ATP2B1: variants seen among roughly 807,000 people sequenced by gnomAD.
ATP2B1 encodes the protein ATPase plasma membrane Ca2+ transporting 1.
Under a neutral mutation model 124.2 loss-of-function variants are expected in ATP2B1, and 14 were observed. That is an observed-to-expected ratio of 0.11 (90% CI 0.07 to 0.18). The LOEUF (loss-of-function observed/expected upper bound fraction) is 0.18. Ranked by LOEUF, ATP2B1 falls within the 10% of genes least tolerant of loss-of-function variation. ATP2B1 has a pLI of 1.00. For synonymous variants in ATP2B1, 449 were observed against 492.4 expected, an observed-to-expected ratio of 0.91 and a Z score of 1.17; for missense variants, 763 against 1,466.1, an observed-to-expected ratio of 0.52 and a Z score of 7.83.
In ATP2B1 at chr12:89,616,844, T is replaced by C. The variant is rs777792000; in HGVS notation, c.2025A>G (p.Thr675=). Residue 675 remains threonine (T), a synonymous_variant, in exon 12 of 21, where the codon ACA becomes ACG. Coordinates refer to ENST00000428670, the MANE Select transcript of ATP2B1 (RefSeq NM_001366521.1). ...CTTCAATCCCCACAACAGCAATGCA[T>C]GTAAGGCCGGTGACAATATCATTTT... ...DNENDIVTGL[T]CIAVVGIEDP... is the part of the protein sequence containing the mutation. 1.2e-5 allele frequency: 19 copies of C among 1,613,910 alleles called. No homozygotes were observed. The East Asian group carries it at 1.3e-4, about 11-fold the overall frequency.
intron 1 of ATP2B1, among the ~76,000 whole-genome samples, chr12:89,676,665 CAA>C (rs1888646908): frequency 6.6e-6 from 1 of 152,014 alleles, no homozygotes; most frequent in African/African-American, 2.4e-5. Flanking sequence ...AAGTAGTATG[CAA>C]AGTTTGGGGA....
chr12:89,686,366 A>G (rs985149582), intron 1 of ATP2B1, among the ~76,000 whole-genome samples: 2 of 151,928 alleles, frequency 1.3e-5, no homozygotes, highest in African/African-American at 4.8e-5. Flanking sequence ...CAAAGACCAG[A>G]CCCCCTTCTC....
Position 89,590,748 on chromosome 12 carries a change from C to G in ATP2B1, c.*236G>C, listed in dbSNP as rs892910160. ...CTACTGATGATCCACAGGTCACTTACGCTGAGTTACTGTTTATCTGTCAGT... is the reference window on the plus strand; with the variant it reads ...CTACTGATGATCCACAGGTCACTTAGGCTGAGTTACTGTTTATCTGTCAGT... On this transcript the variant is annotated 3_prime_UTR_variant, in exon 21 of 21. Transcript: ENST00000428670. 1 of 456,468 alleles carries G rather than the reference C, an allele frequency of 2.2e-6. No individual in the cohort carries two copies. Among genetic ancestry groups the G allele is most frequent in the Admixed American group, 3.6e-5 (1 of 28,160 alleles). 28.3% of individuals were successfully genotyped at this position (456,468 alleles called of 1,614,324 possible).
At chr12:89,615,527 C>T (rs1452072550) in intron 12 of ATP2B1, among the ~76,000 whole-genome samples, 16 of 152,126 alleles carry the variant, frequency 1.1e-4, no homozygotes, top group Non-Finnish European at 2.2e-4. Flanking sequence ...GCAGTATTTC[C>T]AGCTCCTAAA....
chr12:89,608,679 T>A (rs1444331069), intron 15 of ATP2B1, among the ~76,000 whole-genome samples: 1 of 152,192 alleles, frequency 6.6e-6, no homozygotes, highest in Non-Finnish European at 1.5e-5. Flanking sequence ...AAGCTTTTTT[T>A]ATTTTAAAAT....
chr12:89,669,886 A>G, intron 1 of ATP2B1, among the ~76,000 whole-genome samples: 1 of 152,208 alleles, frequency 6.6e-6, no homozygotes, highest in Admixed American at 6.5e-5. Flanking sequence ...ATATGACATC[A>G]AATAGTATTT....
intron 1 of ATP2B1, among the ~76,000 whole-genome samples, chr12:89,684,792 T>TTAACC (rs1209098089): frequency 1.3e-5 from 2 of 152,172 alleles, no homozygotes; most frequent in Non-Finnish European, 2.9e-5. Context: ...CTCTTGCCTA[T>TTAACC]TAACCCATAT....
chr12:89,660,266 A>T (rs1467631240), intron 1 of ATP2B1, among the ~76,000 whole-genome samples: 3 of 152,208 alleles, frequency 2.0e-5, no homozygotes, highest in African/African-American at 7.2e-5. Context: ...TCTATAAGCA[A>T]CTCAAAGCTA....
intron 1 of ATP2B1, among the ~76,000 whole-genome samples, chr12:89,683,012 A>G (rs897711817): frequency 5.9e-5 from 9 of 152,228 alleles, no homozygotes; most frequent in Non-Finnish European, 1.2e-4. Flanking sequence ...CTAAAGAAGA[A>G]TGATTGAAAG....
chr12:89,680,551 T>C lies in ATP2B1; in HGVS notation c.-221-24444A>G, dbSNP rs558949163. Among the ~76,000 whole-genome samples the C allele has an allele frequency of 1.4e-3, 219 of 152,206 alleles. 1 individual carries two copies. The highest frequency in any genetic ancestry group is 4.8e-3 in the African/African-American group (198 of 41,546). On this transcript the variant is annotated intron_variant, in intron 1 of 20. Transcript: ENST00000428670. The stretch of plus-strand genomic sequence containing the variant: ...TTAAGAAAAATAAGAGAATGAAAAT[T>C]AGATTTTTTAAAAAAGGAGTAAGGG...
intron 1 of ATP2B1, among the ~76,000 whole-genome samples, chr12:89,683,217 A>G (rs749821916): frequency 2.0e-5 from 3 of 152,376 alleles, no homozygotes; most frequent in Middle Eastern, 3.4e-3. Flanking sequence ...CAATGTATGT[A>G]AAATGTCATA....
At chr12:89,674,177 G>T (rs184116772) in intron 1 of ATP2B1, among the ~76,000 whole-genome samples, 89 of 152,178 alleles carry the variant, frequency 5.8e-4, no homozygotes, top group African/African-American at 2.1e-3. Context: ...TTTGAAGGAG[G>T]TATCAATCAA....
chr12:89,696,512 A>C (rs186840291), intron 1 of ATP2B1, among the ~76,000 whole-genome samples: 1 of 9,600 alleles, frequency 1.0e-4, no homozygotes, highest in African/African-American at 2.5e-4. Context: ...AATAATACAA[A>C]GTTTCTAAAA....
At chr12:89,659,578 T>G (rs2056331) in intron 1 of ATP2B1, among the ~76,000 whole-genome samples, 4 of 152,166 alleles carry the variant, frequency 2.6e-5, no homozygotes, top group Non-Finnish European at 5.9e-5. Flanking sequence ...ACAATTTCAA[T>G]TCCTTCTTTC....
At chr12:89,659,079 C>CAA (rs1886354168) in intron 1 of ATP2B1, among the ~76,000 whole-genome samples, 1 of 152,190 alleles carries the variant, frequency 6.6e-6, no homozygotes, top group Non-Finnish European at 1.5e-5. Context: ...TTTTGCTTTT[C>CAA]ACTTGTTAGC....
chr12:89,689,685 A>T (rs941962428), intron 1 of ATP2B1, among the ~76,000 whole-genome samples: 1 of 152,124 alleles, frequency 6.6e-6, no homozygotes, highest in Non-Finnish European at 1.5e-5. Context: ...AACTTGCTAT[A>T]TATTTGTAGA....
chr12:89,706,012 A>G (rs1263323603), intron 1 of ATP2B1, among the ~76,000 whole-genome samples: 1 of 152,186 alleles, frequency 6.6e-6, no homozygotes, highest in Admixed American at 6.5e-5. Flanking sequence ...TTCTCATGTT[A>G]CATCAAAAAA....
intron 1 of ATP2B1, among the ~76,000 whole-genome samples, chr12:89,699,948 G>A (rs1376679533): frequency 2.6e-5 from 4 of 151,316 alleles, no homozygotes; most frequent in African/African-American, 4.9e-5. Flanking sequence ...AGAATCAAGC[G>A]ATCCTCCTAC....
At chr12:89,665,573 G>T (rs1172181900) in intron 1 of ATP2B1, among the ~76,000 whole-genome samples, 1 of 152,156 alleles carries the variant, frequency 6.6e-6, no homozygotes, top group African/African-American at 2.4e-5. Flanking sequence ...ATCCTGTGCA[G>T]TTTACCAAAT....
Sources: gnomAD v4.1 joint callset for allele counts (sites outside exome capture counted in the v4.1 genomes callset) on GRCh38, gnomAD v4.1.1 for gene constraint, MANE v1.5 for transcripts, NCBI Gene and HGNC (gene_info 2026-07-23, HGNC 2026-07-21) for gene names.